PHF24: variants seen among roughly 807,000 people sequenced by gnomAD.
PHF24 encodes PHD finger protein 24.
A neutral mutation model predicts 42.6 loss-of-function variants in PHF24; 25 were observed. The ratio of observed to expected loss-of-function variants is 0.59; its 90% CI spans 0.43 to 0.82. The LOEUF is 0.82. PHF24 is among the 40% of genes least tolerant of loss of function. The probability of loss-of-function intolerance (pLI) is 0.00; values close to 1 mark genes in which losing one functional copy is unlikely to be tolerated. For missense variants in PHF24, 470 were observed against 538.1 expected (o/e 0.87, Z 1.25); for synonymous variants, 185 against 204.8 (o/e 0.90, Z 0.83).
chr9:34,792,879 C>T, the PHF24 span, among the ~76,000 whole-genome samples: 1 of 152,020 alleles, frequency 6.6e-6, no homozygotes. Context: ...CATCAGTTTC[C>T]CCAGGAGGTG....
chr9:34,818,539 G>GA, the PHF24 span, among the ~76,000 whole-genome samples: 1 of 152,148 alleles, frequency 6.6e-6, no homozygotes, highest in Non-Finnish European at 1.5e-5. Context: ...ACTTAGTCAT[G>GA]AAAATTTGTA....
the PHF24 span, among the ~76,000 whole-genome samples, chr9:34,802,845 G>A: frequency 6.6e-6 from 1 of 152,102 alleles, no homozygotes; most frequent in Non-Finnish European, 1.5e-5. Flanking sequence ...ACTGTCCTCG[G>A]GGTGTTTCAC....
At chr9:34,735,959 C>T in the PHF24 span, among the ~76,000 whole-genome samples, 1 of 151,984 alleles carries the variant, frequency 6.6e-6, no homozygotes, top group Non-Finnish European at 1.5e-5. Flanking sequence ...TGGGTAATTT[C>T]ATCAGAGAGA....
At chr9:34,733,213 G>A in the PHF24 span, among the ~76,000 whole-genome samples, 2 of 152,132 alleles carry the variant, frequency 1.3e-5, no homozygotes, top group Admixed American at 6.5e-5. Context: ...GTCGATATGA[G>A]AAGTGCAAAT....
At chr9:34,929,000 C>T in the PHF24 span, among the ~76,000 whole-genome samples, 1 of 152,176 alleles carries the variant, frequency 6.6e-6, no homozygotes, top group Non-Finnish European at 1.5e-5. Flanking sequence ...ATTTCAGCAG[C>T]ACTCCCTAGA....
the PHF24 span, among the ~76,000 whole-genome samples, chr9:34,722,172 G>A: frequency 6.6e-6 from 1 of 152,166 alleles, no homozygotes; most frequent in African/African-American, 2.4e-5. Flanking sequence ...ATAGTCTCAG[G>A]ATGAAATGGG....
chr9:34,949,868 G>A, the PHF24 span, among the ~76,000 whole-genome samples: 9 of 151,936 alleles, frequency 5.9e-5, no homozygotes, highest in Non-Finnish European at 1.0e-4. Flanking sequence ...GGAAAGGGGT[G>A]GGAGAGCATT....
At chr9:34,703,388 C>T in the PHF24 span, among the ~76,000 whole-genome samples, 18 of 152,266 alleles carry the variant, frequency 1.2e-4, no homozygotes, top group East Asian at 7.7e-4. Flanking sequence ...AGGCTGGTTT[C>T]GAACACCTGA....
At chr9:34,766,827 C>T in the PHF24 span, among the ~76,000 whole-genome samples, 168 of 152,160 alleles carry the variant, frequency 1.1e-3, no homozygotes, top group East Asian at 0.013. Flanking sequence ...CCCATCTTTG[C>T]GGTTTTATCT....
chr9:34,790,848 A>T, the PHF24 span, among the ~76,000 whole-genome samples: 1 of 152,238 alleles, frequency 6.6e-6, no homozygotes, highest in African/African-American at 2.4e-5. Context: ...CTTGGGCGAA[A>T]GAAGAGCAGA....
intron 1 of PHF24, among the ~76,000 whole-genome samples, chr9:34,968,559 T>C (rs981682785): frequency 2.0e-5 from 3 of 152,200 alleles, no homozygotes; most frequent in South Asian, 2.1e-4. Context: ...AGTTTATAAA[T>C]TCAAGAATAT....
exon 8 of PHF24, chr9:34,979,583 A>C (rs1275945648): frequency 6.6e-6 from 1 of 152,168 alleles, no homozygotes; most frequent in Admixed American, 6.5e-5. Flanking sequence ...TTCAAAAGGG[A>C]GTGGAGTGCA....
At chr9:34,686,618 G>T in the PHF24 span, among the ~76,000 whole-genome samples, 1 of 152,220 alleles carries the variant, frequency 6.6e-6, no homozygotes, top group Admixed American at 6.5e-5. Flanking sequence ...AGAGCAACCT[G>T]AGAAGGGATG....
the PHF24 span, among the ~76,000 whole-genome samples, chr9:34,740,431 C>T: frequency 1.2e-4 from 19 of 152,230 alleles, no homozygotes; most frequent in Non-Finnish European, 2.4e-4. Context: ...CGCCGGTGGG[C>T]GGGCACTGCT....
the PHF24 span, chr9:34,723,291 G>C: frequency 6.4e-7 from 1 of 1,551,466 alleles, no homozygotes; most frequent in Non-Finnish European, 8.7e-7. Flanking sequence ...CGAGGGCAGT[G>C]GCGGGGGTAG....
the PHF24 span, among the ~76,000 whole-genome samples, chr9:34,737,197 C>T: frequency 2.3e-3 from 349 of 152,324 alleles, 1 homozygote; most frequent in African/African-American, 7.8e-3. Flanking sequence ...CATTCACCTA[C>T]TATTCTACCT....
the PHF24 span, among the ~76,000 whole-genome samples, chr9:34,838,875 T>A: frequency 6.6e-6 from 1 of 152,156 alleles, no homozygotes; most frequent in Admixed American, 6.5e-5. Context: ...GAAGGGGTGG[T>A]TAGGCCGGAG....
the PHF24 span, among the ~76,000 whole-genome samples, chr9:34,851,355 C>G: frequency 6.6e-6 from 1 of 152,258 alleles, no homozygotes; most frequent in Non-Finnish European, 1.5e-5. Flanking sequence ...TGATCTCAGA[C>G]TGCTGTGCTA....
At chr9:34,776,397 C>T in the PHF24 span, among the ~76,000 whole-genome samples, 1 of 152,184 alleles carries the variant, frequency 6.6e-6, no homozygotes, top group Non-Finnish European at 1.5e-5. Context: ...CTATTATATC[C>T]TTTTATTTAT....
Sources: gnomAD v4.1 joint callset for allele counts (sites outside exome capture counted in the v4.1 genomes callset) on GRCh38, gnomAD v4.1.1 for gene constraint, MANE v1.5 for transcripts, NCBI Gene and HGNC (gene_info 2026-07-23, HGNC 2026-07-21) for gene names.